The following PRKN variants were observed in gnomAD, a reference collection of about 807,000 sequenced individuals.
PRKN encodes the protein parkin RBR E3 ubiquitin protein ligase, also known as E3 ubiquitin-protein ligase parkin.
Under a neutral mutation model 59.5 loss-of-function variants are expected in PRKN, and 56 were observed. The observed-to-expected ratio is 0.94, with a 90% confidence interval of 0.76 to 1.18. PRKN has a LOEUF of 1.18. Ranked by LOEUF, PRKN falls within the 50% of genes most tolerant of loss-of-function variation. The pLI, the probability that PRKN is intolerant of heterozygous loss-of-function variation, is 0.00. For synonymous variants in PRKN, 250 were observed against 222.1 expected (o/e 1.13, Z -1.12); for missense variants, 657 against 596.4 (o/e 1.10, Z -1.06).
At chr6:162,293,879 C>G (rs549603961) in intron 2 of PRKN, among the ~76,000 whole-genome samples, 3 of 152,116 alleles carry the variant, frequency 2.0e-5, no homozygotes, top group African/African-American at 7.2e-5. Flanking sequence ...GGGGTTTCAC[C>G]GTGTTAGCCA....
chr6:161,665,872 C>T (rs540005708), intron 7 of PRKN, among the ~76,000 whole-genome samples: 2 of 152,262 alleles, frequency 1.3e-5, no homozygotes, highest in East Asian at 1.9e-4. Context: ...ACCACTGATG[C>T]GGAATATTAG....
intron 6 of PRKN, among the ~76,000 whole-genome samples, chr6:161,955,952 T>C (rs1378969025): frequency 6.6e-6 from 1 of 152,232 alleles, no homozygotes; most frequent in Non-Finnish European, 1.5e-5. Flanking sequence ...TCTTTCATTA[T>C]GCTTCATAGA....
chr6:162,340,252 T>G (rs943584612), intron 2 of PRKN, among the ~76,000 whole-genome samples: 4 of 152,230 alleles, frequency 2.6e-5, no homozygotes, highest in Admixed American at 2.0e-4. Context: ...ATTACTCAGT[T>G]TCTCTATTTC....
At chr6:162,418,395 A>T (rs1345319566) in intron 2 of PRKN, among the ~76,000 whole-genome samples, 1 of 152,142 alleles carries the variant, frequency 6.6e-6, no homozygotes, top group Non-Finnish European at 1.5e-5. Context: ...GGTTGATGAA[A>T]GTGTTCTGAA....
intron 1 of PRKN, among the ~76,000 whole-genome samples, chr6:162,607,801 A>G (rs1781985965): frequency 6.6e-6 from 1 of 152,110 alleles, no homozygotes; most frequent in Admixed American, 6.5e-5. Flanking sequence ...GTTACTTTTC[A>G]TTTCCCATGT....
At chr6:161,680,641 T>G (rs1463387730) in intron 7 of PRKN, among the ~76,000 whole-genome samples, 1 of 150,078 alleles carries the variant, frequency 6.7e-6, no homozygotes, top group East Asian at 2.0e-4. Flanking sequence ...TTACTTCATC[T>G]CAGGGGGCAG....
chr6:161,859,885 C>G (rs1437398382), intron 6 of PRKN, among the ~76,000 whole-genome samples: 1 of 152,088 alleles, frequency 6.6e-6, no homozygotes, highest in Non-Finnish European at 1.5e-5. Context: ...AATAATAATT[C>G]TATGGTGTAA....
chr6:161,438,801 A>C lies in PRKN; in HGVS notation c.1084-51924T>G, dbSNP rs534023511. Among the ~76,000 whole-genome samples the C allele has an allele frequency of 3.9e-5, 6 of 152,316 alleles. No individual in the cohort carries two copies. The East Asian group carries it at 9.6e-4, about 24-fold the overall frequency. ...GCTATTTGACCAATGCTGCTTGTAA[A>C]TTGGCTTAGGAAAATTAACATACAT... On this transcript the variant is annotated intron_variant, in intron 9 of 11. Coordinates refer to ENST00000366898, the MANE Select transcript of PRKN (RefSeq NM_004562.3).
chr6:162,385,804 A>C (rs1786771628), intron 2 of PRKN, among the ~76,000 whole-genome samples: 1 of 152,108 alleles, frequency 6.6e-6, no homozygotes, highest in Admixed American at 6.6e-5. Context: ...TTCTGAACAA[A>C]AGGAAATTAA....
chr6:162,262,715 C>CCA lies in PRKN; in HGVS notation c.220_221dup (p.Trp74CysfsTer8), dbSNP rs746646126. ...TTGCATTCATTTCTTGACCTTTTCT[C>CCA]CACGGTCTCTGCACAATGTGAACAA... On this transcript the variant is annotated frameshift_variant, in exon 3 of 12. Coordinates refer to ENST00000366898, the MANE Select transcript of PRKN (RefSeq NM_004562.3). LOFTEE classifies it high-confidence loss of function. The CCA allele has an allele frequency of 2.7e-5, 44 of 1,612,404 alleles. No homozygotes were observed. Among genetic ancestry groups the CCA allele is most frequent in the Admixed American group, 6.7e-5 (4 of 59,928 alleles).
rs369404858 is a variant in PRKN at position 161,497,577 on chromosome 6, T to TCTCTCACACACACACA, written c.1083+51276_1083+51277insTGTGTGTGTGTGAGAG. 3.4e-5 allele frequency among the ~76,000 whole-genome samples: 5 copies of TCTCTCACACACACACA among 147,388 alleles called. No homozygotes were observed. Among genetic ancestry groups the TCTCTCACACACACACA allele is most frequent in the African/African-American group, 5.0e-5 (2 of 39,682 alleles). ...ATGTCTCTCTCTCTCTCTCTCTCTC[T>TCTCTCACACACACACA]CACACACACACACACACACACCATA... is the stretch of plus-strand genomic sequence containing the variant. On this transcript the variant is annotated intron_variant, in intron 9 of 11. Coordinates refer to ENST00000366898, the MANE Select transcript of PRKN (RefSeq NM_004562.3). The surrounding 1 kb of genome is among the most constrained non-coding windows in gnomAD (Gnocchi z 4.6).
chr6:161,386,889 C>T lies in PRKN; in HGVS notation c.1084-12G>A. 1.2e-6 allele frequency: 2 copies of T among 1,610,252 alleles called. No homozygotes were observed. The highest frequency in any genetic ancestry group is 1.1e-5 in the South Asian group (1 of 90,992). ...CGGCAGAAGGCAAACTGCAAAAGAA[C>T]ACACATCCATTAATTAGGGACATTA... On this transcript the variant is annotated splice_polypyrimidine_tract_variant and intron_variant, in intron 9 of 11. Coordinates refer to ENST00000366898, the MANE Select transcript of PRKN (RefSeq NM_004562.3). The surrounding 1 kb of genome is among the most constrained non-coding windows in gnomAD (Gnocchi z 4.3).
rs946584853 is a variant in PRKN, at chr6:161,576,820, T to C, written c.872-7404A>G. On this transcript the variant is annotated intron_variant, in intron 7 of 11. Coordinates refer to ENST00000366898, the MANE Select transcript of PRKN (RefSeq NM_004562.3). This position sits in a 1 kb window ranked among gnomAD's most constrained non-coding sequence, Gnocchi z 4.6. ...ACACTGAAGCACAGATTTTTAGGAA[T>C]TGAGTTAATATGAGTTAGCTAGAGT... Among the ~76,000 whole-genome samples the C allele has an allele frequency of 6.6e-6, 1 of 152,216 alleles. No homozygotes were observed. The highest frequency in any genetic ancestry group is 1.5e-5 in the Non-Finnish European group (1 of 68,032).
chr6:162,716,816 CAT>C (rs1778748901), intron 1 of PRKN, among the ~76,000 whole-genome samples: 1 of 149,792 alleles, frequency 6.7e-6, no homozygotes, highest in Non-Finnish European at 1.5e-5. Flanking sequence ...ACAGACTCCT[CAT>C]GTGTAACACT....
intron 9 of PRKN, among the ~76,000 whole-genome samples, chr6:161,438,215 AT>A (rs34955373): frequency 0.021 from 2,339 of 112,338 alleles, 8 homozygotes; most frequent in Non-Finnish European, 0.03. Flanking sequence ...AATTCTGTTA[AT>A]TTTTTTTTTT....
At position 162,163,195 on chromosome 6, in the gene PRKN, A is replaced by G. The variant is rs1176449367; in HGVS notation, c.534+37936T>C. Among the ~76,000 whole-genome samples, 3 of 149,088 alleles carry G rather than the reference A, an allele frequency of 2.0e-5. 1 individual carries two copies. The highest frequency in any genetic ancestry group is 7.6e-5 in the African/African-American group (3 of 39,648). ...TCTAACTTCCTGTATATGCCACGCT[A>G]GTTTCTGTATAGAATAGGTTATCAA... is the stretch of plus-strand genomic sequence containing the variant. On this transcript the variant is annotated intron_variant, in intron 4 of 11. Transcript: ENST00000366898.
chr6:162,000,998 G>A (rs538829132), intron 5 of PRKN, among the ~76,000 whole-genome samples: 20 of 151,928 alleles, frequency 1.3e-4, no homozygotes, highest in African/African-American at 3.1e-4. Context: ...TCCATTGATC[G>A]ATTTGTCTAT....
chr6:161,487,413 G>C lies in PRKN; in HGVS notation c.1083+61441C>G, dbSNP rs559068976. ...AGTCTGGGGCCTGTGGGATGGCAAA[G>C]GAATTTTCTAGAACTAAGAGTGTGT... On this transcript the variant is annotated intron_variant, in intron 9 of 11. Transcript: ENST00000366898. The surrounding 1 kb of genome is among the most constrained non-coding windows in gnomAD (Gnocchi z 5.3). Among the ~76,000 whole-genome samples, 1 of 152,298 alleles carries C rather than the reference G, an allele frequency of 6.6e-6. No homozygotes were observed. Among genetic ancestry groups the C allele is most frequent in the African/African-American group, 2.4e-5 (1 of 41,564 alleles).
At chr6:161,512,770 C>T (rs1371846172) in intron 9 of PRKN, among the ~76,000 whole-genome samples, 1 of 152,192 alleles carries the variant, frequency 6.6e-6, no homozygotes, top group Non-Finnish European at 1.5e-5. Context: ...CTCTTACTTG[C>T]CGTCCTCCTG....
Sources: allele counts gnomAD v4.1 joint callset (sites outside exome capture counted in the v4.1 genomes callset), GRCh38; gene constraint gnomAD v4.1.1; non-coding constraint Gnocchi (gnomAD v3.1); transcripts MANE v1.5; gene names NCBI Gene and HGNC (gene_info 2026-07-23, HGNC 2026-07-21).